MARCHF1: variants seen among roughly 807,000 people sequenced by gnomAD.
MARCHF1 encodes the protein E3 ubiquitin-protein ligase MARCHF1.
A neutral mutation model predicts 54.2 loss-of-function variants in MARCHF1; 40 were observed. That is an observed-to-expected ratio of 0.74 (90% CI 0.57 to 0.96). MARCHF1 has a LOEUF of 0.96. MARCHF1 is among the 40% of genes least tolerant of loss of function. The pLI, the probability that MARCHF1 is intolerant of heterozygous loss-of-function variation, is 0.00. For synonymous variants in MARCHF1, 236 were observed against 236.3 expected, an observed-to-expected ratio of 1.00 and a Z score of 0.01; for missense variants, 586 against 656.5, an observed-to-expected ratio of 0.89 and a Z score of 1.17.
At chr4:163,921,043 T>C (rs1409725381) in intron 3 of MARCHF1, among the ~76,000 whole-genome samples, 6 of 152,304 alleles carry the variant, frequency 3.9e-5, no homozygotes, top group Non-Finnish European at 5.9e-5. Flanking sequence ...CAGGTTCAAA[T>C]TGAATTATAT....
intron 9 of MARCHF1, among the ~76,000 whole-genome samples, chr4:163,545,216 A>G (rs1434653008): frequency 6.6e-6 from 1 of 152,222 alleles, no homozygotes; most frequent in East Asian, 1.9e-4. Context: ...CATGCTTTAA[A>G]GGAGAGATGA....
chr4:163,669,269 C>T (rs2111123599), intron 5 of MARCHF1, among the ~76,000 whole-genome samples: 1 of 152,280 alleles, frequency 6.6e-6, no homozygotes, highest in African/African-American at 2.4e-5. Flanking sequence ...AGTAAGAGTG[C>T]TTCTCAGAAA....
chr4:163,557,684 C>A (rs996862354), intron 8 of MARCHF1, among the ~76,000 whole-genome samples: 1 of 152,152 alleles, frequency 6.6e-6, no homozygotes. Context: ...CTTTGGAAAC[C>A]TAATAAAAAT....
chr4:164,362,387 A>T (rs996174909), intron 1 of MARCHF1, among the ~76,000 whole-genome samples: 2 of 152,166 alleles, frequency 1.3e-5, no homozygotes. Context: ...AATCATTTTT[A>T]TTAGTGAAAA....
Position 163,733,171 on chromosome 4 carries a change from A to ATGTGTG in MARCHF1, c.112-32314_112-32309dup, listed in dbSNP as rs770554772. Among the ~76,000 whole-genome samples the ATGTGTG allele has an allele frequency of 3.6e-4, 16 of 44,740 alleles. 1 individual carries two copies. Among genetic ancestry groups the ATGTGTG allele is most frequent in the East Asian group, 9.6e-4 (2 of 2,078 alleles). 29.4% of individuals were successfully genotyped at this position (44,740 alleles called of 152,430 possible). ...CATTTCTCTCTCTCTCTCTCTCTGT[A>ATGTGTG]TGTGTGTATATATATATATATATAT... On this transcript the variant is annotated intron_variant, in intron 4 of 9. Transcript: ENST00000514618.
At chr4:164,022,137 A>G (rs1753679930) in intron 2 of MARCHF1, among the ~76,000 whole-genome samples, 1 of 152,098 alleles carries the variant, frequency 6.6e-6, no homozygotes. Context: ...GTTAAACCCC[A>G]TTGATTGTGC....
intron 3 of MARCHF1, among the ~76,000 whole-genome samples, chr4:163,952,437 G>T (rs1752152164): frequency 6.6e-6 from 1 of 152,064 alleles, no homozygotes; most frequent in Non-Finnish European, 1.5e-5. Context: ...TTCCTAAAAA[G>T]AAAATAATTA....
chr4:164,003,008 C>CA (rs912981925), intron 2 of MARCHF1, among the ~76,000 whole-genome samples: 4 of 151,388 alleles, frequency 2.6e-5, no homozygotes, highest in African/African-American at 7.3e-5. Context: ...TCCTGAACTA[C>CA]AAAAAATGTT....
chr4:164,230,890 C>T (rs1179647772), intron 1 of MARCHF1, among the ~76,000 whole-genome samples: 1 of 152,036 alleles, frequency 6.6e-6, no homozygotes, highest in Non-Finnish European at 1.5e-5. Context: ...TTTTCTGAGA[C>T]AATAATTGAA....
chr4:163,662,735 G>C (rs1338043752), intron 5 of MARCHF1, among the ~76,000 whole-genome samples: 1 of 151,894 alleles, frequency 6.6e-6, no homozygotes, highest in African/African-American at 2.4e-5. Context: ...ACTCAGGCCG[G>C]ATTGTTTTTG....
At chr4:163,699,486 A>AT (rs1354582862) in intron 5 of MARCHF1, among the ~76,000 whole-genome samples, 4 of 150,934 alleles carry the variant, frequency 2.7e-5, no homozygotes, top group East Asian at 2.0e-4. Flanking sequence ...TGTGGTCACA[A>AT]TTTTTTTCTT....
Position 163,562,327 on chromosome 4 carries a change from A to AAAACC in MARCHF1, c.1192-16589_1192-16585dup, listed in dbSNP as rs1739498296. On this transcript the variant is annotated intron_variant, in intron 8 of 9. Coordinates refer to ENST00000514618, the MANE Select transcript of MARCHF1 (RefSeq NM_001394959.1). ...AAAACAAAACAAAACAAAACAAAAC[A>AAAACC]AAACCCAACACTCCACTGTAACTAC... Among the ~76,000 whole-genome samples the AAAACC allele has an allele frequency of 2.8e-5, 4 of 141,236 alleles. No individual in the cohort carries two copies. In the South Asian group the frequency reaches 9.1e-4, roughly 32 times the overall value. 92.7% of individuals were successfully genotyped at this position (141,236 alleles called of 152,430 possible).
At chr4:163,807,492 A>G (rs933576783) in intron 4 of MARCHF1, among the ~76,000 whole-genome samples, 13 of 152,318 alleles carry the variant, frequency 8.5e-5, no homozygotes, top group Admixed American at 7.2e-4. Context: ...CACAATTACC[A>G]GAAGAATTCA....
intron 7 of MARCHF1, among the ~76,000 whole-genome samples, chr4:163,588,853 T>C (rs1220012480): frequency 6.6e-6 from 1 of 152,210 alleles, no homozygotes; most frequent in East Asian, 1.9e-4. Flanking sequence ...TGGTCATAGA[T>C]CTCTGTCTTA....
chr4:164,334,646 T>C (rs1729682185), intron 1 of MARCHF1, among the ~76,000 whole-genome samples: 1 of 152,212 alleles, frequency 6.6e-6, no homozygotes, highest in Admixed American at 6.5e-5. Flanking sequence ...CAATATCCAT[T>C]CTACAATCCA....
intron 1 of MARCHF1, among the ~76,000 whole-genome samples, chr4:164,309,513 G>A (rs988226281): frequency 2.0e-5 from 3 of 152,188 alleles, no homozygotes; most frequent in Non-Finnish European, 4.4e-5. Context: ...AGGGGGCTGA[G>A]TGCAAGGCAG....
At chr4:163,552,296 G>A (rs1279076508) in intron 8 of MARCHF1, among the ~76,000 whole-genome samples, 12 of 152,200 alleles carry the variant, frequency 7.9e-5, no homozygotes, top group South Asian at 6.2e-4. Flanking sequence ...CATGTGTCCA[G>A]ATGGACCTGG....
intron 1 of MARCHF1, among the ~76,000 whole-genome samples, chr4:164,240,571 T>C (rs1732711062): frequency 6.6e-6 from 1 of 151,950 alleles, no homozygotes; most frequent in South Asian, 2.1e-4. Flanking sequence ...CTTAAGTCCT[T>C]TGAAAATAAG....
At chr4:163,543,982 A>G (rs146448309) in intron 9 of MARCHF1, among the ~76,000 whole-genome samples, 75 of 152,310 alleles carry the variant, frequency 4.9e-4, no homozygotes, top group South Asian at 2.7e-3. Context: ...GCTGAGCTCT[A>G]AATGTGTCAT....
Sources: allele counts gnomAD v4.1 joint callset (sites outside exome capture counted in the v4.1 genomes callset), GRCh38; gene constraint gnomAD v4.1.1; transcripts MANE v1.5; gene names NCBI Gene and HGNC (gene_info 2026-07-23, HGNC 2026-07-21).